Variants in GFM1 observed in about 807,000 individuals in gnomAD.
GFM1 encodes elongation factor G, mitochondrial.
A neutral mutation model predicts 96.2 loss-of-function variants in GFM1; 62 were observed. That is an observed-to-expected ratio of 0.64 (90% CI 0.53 to 0.80). The LOEUF (loss-of-function observed/expected upper bound fraction) is 0.80. GFM1 is among the 30% of genes least tolerant of loss of function. The pLI, the probability that GFM1 is intolerant of heterozygous loss-of-function variation, is 0.00. For missense variants in GFM1, 852 were observed against 916.6 expected (o/e 0.93, Z 0.91); for synonymous variants, 282 against 312.9 (o/e 0.90, Z 1.04).
intron 17 of GFM1, 67 bp from the exon 18 acceptor site, chr3:158,691,269 C>G: frequency 1.9e-6 from 3 of 1,607,336 alleles, no homozygotes. Context: ...CCTTGTATGA[C>G]TTTTACTTGA....
chr3:158,684,475 C>T (rs1725664661), intron 14 of GFM1, 49 bp from the exon 15 acceptor site: 1 of 1,601,390 alleles, frequency 6.2e-7, no homozygotes, highest in Non-Finnish European at 8.6e-7. Flanking sequence ...GATAATGTAT[C>T]TGCAAGTAAA....
intron 13 of GFM1, among the ~76,000 whole-genome samples, chr3:158,668,582 T>C (rs1723947794): frequency 6.6e-6 from 1 of 152,254 alleles, no homozygotes; most frequent in South Asian, 2.1e-4. Flanking sequence ...GATTAAGAGC[T>C]ATGATTACCG....
Position 158,646,932 on chromosome 3 carries a change from C to T in GFM1, c.557C>T (p.Ala186Val), listed in dbSNP as rs1273691085. The T allele has an allele frequency of 1.2e-6, 2 of 1,613,796 alleles. No individual in the cohort carries two copies. The highest frequency in any genetic ancestry group is 1.7e-6 in the Non-Finnish European group (2 of 1,179,818). Reference sequence around the variant, plus strand: ...CGAATGGGCTCCAACCCAGCCAGGGCCCTGCAGCAAATGAGGTAATGAGCC... The same window carrying T: ...CGAATGGGCTCCAACCCAGCCAGGGTCCTGCAGCAAATGAGGTAATGAGCC... ...LDRMGSNPAR[A>V]LQQMRSKLNH... Residue 186 changes from alanine to valine, a missense_variant, in exon 4 of 18, where the codon GCC becomes GTC. By Grantham distance (64) the Ala-to-Val change is moderately conservative (BLOSUM62 0). Transcript: ENST00000486715.
chr3:158,686,370 A>C (rs1725844937), intron 15 of GFM1, among the ~76,000 whole-genome samples: 1 of 144,006 alleles, frequency 6.9e-6, no homozygotes, highest in African/African-American at 2.6e-5. Context: ...TGTTCTGTGG[A>C]AAAAATGTAT....
intron 10 of GFM1, among the ~76,000 whole-genome samples, 153 bp from the exon 11 acceptor site, chr3:158,662,475 A>G (rs1367219856): frequency 6.6e-6 from 1 of 152,196 alleles, no homozygotes; most frequent in Non-Finnish European, 1.5e-5. Flanking sequence ...TATTTAATGC[A>G]AAACAGATCA....
chr3:158,662,774 A>AGTTTC (rs1340295783), intron 11 of GFM1, 90 bp downstream of exon 11: 8 of 818,164 alleles, frequency 9.8e-6, no homozygotes, highest in African/African-American at 6.7e-5. Flanking sequence ...ATCTTGTAAT[A>AGTTTC]ACCAGCAGTC....
chr3:158,658,601 A>C (rs540459647), intron 8 of GFM1, among the ~76,000 whole-genome samples: 1 of 152,040 alleles, frequency 6.6e-6, no homozygotes, highest in Non-Finnish European at 1.5e-5. Context: ...ATCTTATTGT[A>C]TTAAACTTAT....
chr3:158,690,385 G>C (rs1426607836), intron 16 of GFM1, 62 bp downstream of exon 16: 1 of 1,541,820 alleles, frequency 6.5e-7, no homozygotes, highest in Non-Finnish European at 9.0e-7. Context: ...ATCCAGGTTA[G>C]CTTTTGTTTT....
At chr3:158,663,787 C>T (rs531510747) in intron 11 of GFM1, among the ~76,000 whole-genome samples, 278 of 152,266 alleles carry the variant, frequency 1.8e-3, no homozygotes, top group African/African-American at 6.4e-3. Flanking sequence ...GGAGGGAAAT[C>T]AATGCTTCAA....
At chr3:158,691,239 A>G (rs759742015) in intron 17 of GFM1, 47 bp downstream of exon 17, 6 of 1,603,556 alleles carry the variant, frequency 3.7e-6, no homozygotes, top group Non-Finnish European at 4.3e-6. Flanking sequence ...CTACAGAATG[A>G]TCATATTATA....
In GFM1 at chr3:158,652,091, C is replaced by T. The variant is rs201685981; in HGVS notation, c.690-5C>T. ...CTTAAAGCACCAAAATATTTGCTTT[C>T]TTAGTCAGATTGTTCGATATGGTGA... On this transcript the variant is annotated splice_polypyrimidine_tract_variant and splice_region_variant and intron_variant, in intron 5 of 17. Transcript: ENST00000486715. The T allele has an allele frequency of 1.2e-6, 2 of 1,613,620 alleles. No homozygotes were observed. The highest frequency in any genetic ancestry group is 2.2e-5 in the South Asian group (2 of 91,072).
intron 5 of GFM1, chr3:158,650,217 C>T: frequency 1.5e-6 from 1 of 687,546 alleles, no homozygotes; most frequent in South Asian, 1.7e-5. Context: ...CCTACCACTC[C>T]TTAGGATATA....
rs1047817828 is a variant in GFM1, at chr3:158,645,662, G to A, written c.115G>A (p.Gly39Arg). 6.2e-7 allele frequency: 1 copy of A among 1,612,996 alleles called. No individual in the cohort carries two copies. ...NWKACRWSSS[G>R]VIPNEKIRNI... Reference sequence around the variant, plus strand: ...GAAGGCCTGCCGATGGTCTTCATCAGGGGTGATTCCTAATGAAAAAATACG... The same window carrying A: ...GAAGGCCTGCCGATGGTCTTCATCAAGGGTGATTCCTAATGAAAAAATACG... Residue 39 changes from glycine (G) to arginine (R), a missense_variant, in exon 2 of 18, where the codon GGG becomes AGG. Coordinates refer to ENST00000486715, the MANE Select transcript of GFM1 (RefSeq NM_024996.7).
At chr3:158,684,765 A>G (rs564709822) in intron 15 of GFM1, 97 bp downstream of exon 15, 4 of 1,247,034 alleles carry the variant, frequency 3.2e-6, no homozygotes, top group South Asian at 2.4e-5. Flanking sequence ...CACCCAGAGC[A>G]CTAGGCTCCA....
At chr3:158,672,632 TC>T in intron 13 of GFM1, 2 of 860,844 alleles carry the variant, frequency 2.3e-6, no homozygotes, top group African/African-American at 1.7e-5. Context: ...TCCTTCCGAC[TC>T]CGGAAGCTGC....
chr3:158,681,589 T>C (rs1022427884), intron 13 of GFM1, among the ~76,000 whole-genome samples: 2 of 152,156 alleles, frequency 1.3e-5, no homozygotes, highest in Non-Finnish European at 2.9e-5. Flanking sequence ...CTGAATAAAT[T>C]AACTGTAGCC....
At chr3:158,684,718 C>T in intron 15 of GFM1, 50 bp downstream of exon 15, 1 of 1,596,000 alleles carries the variant, frequency 6.3e-7, no homozygotes, top group South Asian at 1.1e-5. Flanking sequence ...GATAGATCAT[C>T]ATAGCCTCAG....
rs771744349 is a variant in GFM1, at chr3:158,659,005, A to G, written c.1167A>G (p.Thr389=). 9 of 1,614,216 alleles carry G rather than the reference A, an allele frequency of 5.6e-6. No individual in the cohort carries two copies. The highest frequency in any genetic ancestry group is 7.6e-6 in the Non-Finnish European group (9 of 1,180,028). ...GTGACACCATCTATAACACAAGGACAAGAAAGAAAGTACGGTTGCAACGGC... is the reference window on the plus strand; with the variant it reads ...GTGACACCATCTATAACACAAGGACGAGAAAGAAAGTACGGTTGCAACGGC... ...KKGDTIYNTR[T]RKKVRLQRLA... is the part of the protein sequence containing the mutation. Residue 389 remains threonine, a synonymous_variant, in exon 9 of 18, where the codon ACA becomes ACG. Coordinates refer to ENST00000486715, the MANE Select transcript of GFM1 (RefSeq NM_024996.7).
chr3:158,678,275 T>G (rs1725069334), intron 13 of GFM1, among the ~76,000 whole-genome samples: 1 of 152,240 alleles, frequency 6.6e-6, no homozygotes, highest in South Asian at 2.1e-4. Flanking sequence ...ATTTTGACTT[T>G]CAAGTCTTAT....
Sources: gnomAD v4.1 joint callset for allele counts (sites outside exome capture counted in the v4.1 genomes callset) on GRCh38, gnomAD v4.1.1 for gene constraint, MANE v1.5 for transcripts, NCBI Gene and HGNC (gene_info 2026-07-23, HGNC 2026-07-21) for gene names.